Variants in TRRAP observed in about 807,000 individuals in gnomAD.
TRRAP encodes the protein transformation/transcription domain associated protein.
In TRRAP, 41 loss-of-function variants were observed where a neutral mutation model predicts 438.8. The ratio of observed to expected loss-of-function variants is 0.09; its 90% CI spans 0.07 to 0.12. The LOEUF (loss-of-function observed/expected upper bound fraction) is 0.12, where lower values mean the gene tolerates loss of function less well. Among genes scored for constraint, TRRAP ranks in the 10% least tolerant of loss-of-function variants. The pLI is 1.00. For missense variants in TRRAP, 3,122 were observed against 5,055.1 expected (o/e 0.62, Z 11.60); for synonymous variants, 1,994 against 1,962.9 (o/e 1.02, Z -0.42).
Position 99,011,744 on chromosome 7 carries a change from G to A in TRRAP, c.11337+209G>A, listed in dbSNP as rs868449644. The stretch of plus-strand genomic sequence containing the variant: ...TGTCTGTAGTGCTTGGAACGGGCCT[G>A]CCTGACACTCGGCAGATGCCGGAAG... On this transcript the variant is annotated intron_variant, in intron 72 of 72. Transcript: ENST00000456197. This position sits in a 1 kb window ranked among gnomAD's most constrained non-coding sequence, Gnocchi z 7.1. Among the ~76,000 whole-genome samples, 1 of 152,272 alleles carries A rather than the reference G, an allele frequency of 6.6e-6. No homozygotes were observed.
At chr7:99,009,073 G>A (rs765987845) in intron 70 of TRRAP, among the ~76,000 whole-genome samples, 6 of 152,172 alleles carry the variant, frequency 3.9e-5, no homozygotes, top group Admixed American at 6.5e-5. Flanking sequence ...GCCTGAGCCC[G>A]GAGCATGGTG....
At chr7:98,927,913 T>C (rs1790125971) in intron 23 of TRRAP, among the ~76,000 whole-genome samples, 1 of 152,154 alleles carries the variant, frequency 6.6e-6, no homozygotes, top group Non-Finnish European at 1.5e-5. Flanking sequence ...CACTTTTATT[T>C]CCGATCCATT....
Position 98,910,036 on chromosome 7 carries a change from T to G in TRRAP, c.1351-20T>G, listed in dbSNP as rs782336702. 32 of 1,534,526 alleles carry G rather than the reference T, an allele frequency of 2.1e-5. No individual in the cohort carries two copies. The highest frequency in any genetic ancestry group is 2.8e-5 in the Non-Finnish European group (32 of 1,139,988). On this transcript the variant is annotated intron_variant, in intron 14 of 72. Coordinates refer to ENST00000456197, the MANE Select transcript of TRRAP (RefSeq NM_001375524.1). ...AGAAGAATAATTCTGTCTTCCCTCT[T>G]GAATTTCTCTTCCCGTTAGGTTTTC...
rs567805936 is a variant in TRRAP, at chr7:98,988,717, C to T, written c.9390-48C>T. On this transcript the variant is annotated intron_variant, in intron 62 of 72. Coordinates refer to ENST00000456197, the MANE Select transcript of TRRAP (RefSeq NM_001375524.1). Reference sequence around the variant, plus strand: ...GGTTAATTTCAGATTACGTGAAGCTCGCTTCAATTGAAAACCATACACGTT... The same window carrying T: ...GGTTAATTTCAGATTACGTGAAGCTTGCTTCAATTGAAAACCATACACGTT... 3.5e-5 allele frequency: 55 copies of T among 1,581,286 alleles called. 1 individual carries two copies. The South Asian group carries it at 4.1e-4, about 12-fold the overall frequency.
In TRRAP at chr7:98,948,445, G is replaced by T. The variant is rs183830253; in HGVS notation, c.4668+105G>T. ...TGGACGGAACAGCATAAAGACGTTC[G>T]ATGTCAACATTTGCTTGTGGGTGTT... On this transcript the variant is annotated intron_variant, in intron 34 of 72. Transcript: ENST00000456197. The surrounding 1 kb of genome is among the most constrained non-coding windows in gnomAD (Gnocchi z 4.9). 2 of 1,608,776 alleles carry T rather than the reference G, an allele frequency of 1.2e-6. No homozygotes were observed. Among genetic ancestry groups the T allele is most frequent in the Non-Finnish European group, 1.7e-6 (2 of 1,177,472 alleles).
At chr7:98,920,483 A>C (rs993530885) in intron 20 of TRRAP, among the ~76,000 whole-genome samples, 1 of 151,998 alleles carries the variant, frequency 6.6e-6, no homozygotes, top group South Asian at 2.1e-4. Context: ...AAAAAAAAAA[A>C]AGAAAAGAAA....
rs1038092879 is a variant in TRRAP at position 98,992,226 on chromosome 7, C to T, written c.9846C>T (p.Ser3282=). The T allele has an allele frequency of 4.3e-6, 7 of 1,613,964 alleles. No homozygotes were observed. The highest frequency in any genetic ancestry group is 3.3e-5 in the South Asian group (3 of 91,086). ...LKIEQRERYK[S]DSGQQQPSSV... ...TAGAACAGCGGGAACGCTACAAGAG[C>T]GGTACGTCTCGGGTGGGGCCGGTAG... Residue 3282 remains serine, a splice_region_variant and synonymous_variant, in exon 65 of 73, where the codon AGC becomes AGT. Transcript: ENST00000456197.
intron 64 of TRRAP, among the ~76,000 whole-genome samples, chr7:98,991,464 T>C (rs1793431225): frequency 6.6e-6 from 1 of 152,200 alleles, no homozygotes; most frequent in South Asian, 2.1e-4. Context: ...GCATTCTGTG[T>C]AGCACTTATC....
chr7:98,991,890 T>C (rs1441181561), intron 64 of TRRAP, among the ~76,000 whole-genome samples: 3 of 152,214 alleles, frequency 2.0e-5, no homozygotes, highest in Non-Finnish European at 4.4e-5. Context: ...TCACTCACAG[T>C]TCCTGGGTGG....
At chr7:98,895,613 A>C in intron 6 of TRRAP, 151 bp from the exon 7 acceptor site, 2 of 514,044 alleles carry the variant, frequency 3.9e-6, no homozygotes, top group Non-Finnish European at 6.7e-6. Context: ...GTTTGTTTAC[A>C]TCCATTGCCT....
chr7:98,886,587 G>T (rs1795727338), intron 3 of TRRAP, among the ~76,000 whole-genome samples: 1 of 152,094 alleles, frequency 6.6e-6, no homozygotes, highest in Admixed American at 6.6e-5. Context: ...TTTGCAATCT[G>T]TGTATCAACA....
intron 67 of TRRAP, among the ~76,000 whole-genome samples, chr7:98,998,137 G>GT (rs1337595100): frequency 6.6e-6 from 1 of 152,166 alleles, no homozygotes; most frequent in Non-Finnish European, 1.5e-5. Flanking sequence ...GTAGGGAGTA[G>GT]TACTGAGGGA....
intron 11 of TRRAP, among the ~76,000 whole-genome samples, chr7:98,902,054 C>T (rs554637806): frequency 1.3e-5 from 2 of 152,178 alleles, no homozygotes; most frequent in Non-Finnish European, 2.9e-5. Flanking sequence ...TCTGTCTTTA[C>T]GGATTTGCCT....
In TRRAP at chr7:98,993,752, T is replaced by C. The variant is rs1033696130; in HGVS notation, c.10047+15T>C. On this transcript the variant is annotated intron_variant, in intron 66 of 72. Transcript: ENST00000456197. ...GGCATGAAGAGGTATTTGGCTCTGA[T>C]CTTGCACATGGTGGCTCCTTGTAGA... 2 of 1,613,750 alleles carry C rather than the reference T, an allele frequency of 1.2e-6. No homozygotes were observed. The highest frequency in any genetic ancestry group is 1.1e-5 in the South Asian group (1 of 91,068).
At chr7:98,919,496 C>A (rs782283409) in intron 20 of TRRAP, among the ~76,000 whole-genome samples, 1 of 152,110 alleles carries the variant, frequency 6.6e-6, no homozygotes, top group Non-Finnish European at 1.5e-5. Context: ...CAGCTACTCA[C>A]GAGTTTGAGG....
In TRRAP at chr7:98,910,289, G is replaced by C; in HGVS notation, c.1584G>C (p.Glu528Asp). 6.3e-7 allele frequency: 1 copy of C among 1,594,532 alleles called. No homozygotes were observed. Among genetic ancestry groups the C allele is most frequent in the Non-Finnish European group, 8.5e-7 (1 of 1,175,560 alleles). ...CCCCGGCCCCCGTGCCTCCCTTCGAGAAGCAAGGAGAAAAGGACAAGGAAG... is the reference window on the plus strand; with the variant it reads ...CCCCGGCCCCCGTGCCTCCCTTCGACAAGCAAGGAGAAAAGGACAAGGAAG... ...PVTPAPVPPFEKQGEKDKEDK... is the reference protein window; with the variant it reads ...PVTPAPVPPFDKQGEKDKEDK... Residue 528 changes from glutamate to aspartate, a missense_variant, in exon 15 of 73, where the codon GAG (glutamate) becomes GAC (aspartate). Glu to Asp is a conservative substitution (Grantham distance 45). Around this residue, in one of 24 missense-constraint regions of TRRAP, gnomAD observed 115 missense variants for 124.6 expected, o/e 0.92. Coordinates refer to ENST00000456197, the MANE Select transcript of TRRAP (RefSeq NM_001375524.1).
intron 33 of TRRAP, among the ~76,000 whole-genome samples, chr7:98,946,755 G>C (rs1416789711): frequency 1.3e-5 from 2 of 152,216 alleles, no homozygotes; most frequent in East Asian, 1.9e-4. Context: ...TTTCCCTCTT[G>C]TGTAAAATGG....
At chr7:98,986,017 C>T (rs867296169) in intron 62 of TRRAP, among the ~76,000 whole-genome samples, 8 of 152,176 alleles carry the variant, frequency 5.3e-5, no homozygotes, top group African/African-American at 1.9e-4. Flanking sequence ...TTATTCTGAA[C>T]ATTCATATAA....
At chr7:98,913,064 C>A (rs1443877224) in intron 18 of TRRAP, among the ~76,000 whole-genome samples, 1 of 152,112 alleles carries the variant, frequency 6.6e-6, no homozygotes, top group Admixed American at 6.6e-5. Flanking sequence ...ATTTGGTCCT[C>A]GTTGCTTGGT....
Sources: allele counts gnomAD v4.1 joint callset (sites outside exome capture counted in the v4.1 genomes callset), GRCh38; gene constraint gnomAD v4.1.1; regional missense constraint gnomAD v4.1.1; non-coding constraint Gnocchi (gnomAD v3.1); transcripts MANE v1.5; gene names NCBI Gene and HGNC (gene_info 2026-07-23, HGNC 2026-07-21).